SBF1: variants seen among roughly 807,000 people sequenced by gnomAD.
SBF1 encodes the protein SET binding factor 1, also known as myotubularin-related protein 5.
A neutral mutation model predicts 215.8 loss-of-function variants in SBF1; 65 were observed. That is an observed-to-expected ratio of 0.30 (90% CI 0.25 to 0.37). The LOEUF (loss-of-function observed/expected upper bound fraction) is 0.37. Ranked by LOEUF, SBF1 falls within the 10% of genes least tolerant of loss-of-function variation. The pLI is 1.00. For synonymous variants in SBF1, 1,410 were observed against 1,122.8 expected (o/e 1.26, Z -5.11); for missense variants, 2,634 against 2,667.8 (o/e 0.99, Z 0.28).
rs767703972 is a variant in SBF1 at position 50,466,405 on chromosome 22, G to A, written c.733C>T (p.Arg245Trp). Reference sequence around the variant, plus strand: ...AGGCCCCTACAGGCATCGGCGAGCCGCTGGTAGCTCCGGGACAGGAAGAGA... The same window carrying A: ...AGGCCCCTACAGGCATCGGCGAGCCACTGGTAGCTCCGGGACAGGAAGAGA... ...KVLFLSRSYQ[R>W]LADACRGLLA... Residue 245 changes from arginine to tryptophan, a missense_variant, in exon 7 of 41, where the codon CGG (arginine) becomes TGG (tryptophan). Transcript: ENST00000380817. 9.7e-6 allele frequency: 15 copies of A among 1,553,530 alleles called. No homozygotes were observed. Among genetic ancestry groups the A allele is most frequent in the East Asian group, 2.4e-5 (1 of 41,040 alleles).
chr22:50,466,219 C>G lies in SBF1; in HGVS notation c.828G>C (p.Glu276Asp), dbSNP rs568727727. The G allele has an allele frequency of 6.2e-7, 1 of 1,613,384 alleles. No individual in the cohort carries two copies. Among genetic ancestry groups the G allele is most frequent in the Non-Finnish European group, 8.5e-7 (1 of 1,180,050 alleles). Residue 276 changes from glutamate to aspartate, a missense_variant, in exon 8 of 41, where the codon GAG (glutamate) becomes GAC (aspartate). Transcript: ENST00000380817. The stretch of plus-strand genomic sequence containing the variant: ...TGAAGGGCGTGGGTGTGCTGAGGAC[C>G]TCCAGCAGCTGAGCCGGCAGGATGG... ...YVPILPAQLL[E>D]VLSTPTPFII...
chr22:50,447,545 C>T lies in SBF1; in HGVS notation c.5428G>A (p.Val1810Met). 2 of 1,613,396 alleles carry T rather than the reference C, an allele frequency of 1.2e-6. No homozygotes were observed. Among genetic ancestry groups the T allele is most frequent in the South Asian group, 1.1e-5 (1 of 91,044 alleles). Residue 1810 changes from valine (V) to methionine (M), a missense_variant, in exon 39 of 41, where the codon GTG (valine) becomes ATG (methionine). Physicochemically the swap from Val to Met is conservative, Grantham distance 21 (BLOSUM62 1). Transcript: ENST00000380817. Reference sequence around the variant, plus strand: ...ACCTGGTGCTTGGTCTTGTCCAGCACGAACCAGCGGGCCTTCCAAGGCTTC... The same window carrying T: ...ACCTGGTGCTTGGTCTTGTCCAGCATGAACCAGCGGGCCTTCCAAGGCTTC... The part of the protein sequence containing the change: ...FMKPWKARWF[V>M]LDKTKHQLRY...
At chr22:50,465,154 C>T in intron 11 of SBF1, 25 bp from the exon 12 acceptor site, 1 of 1,613,858 alleles carries the variant, frequency 6.2e-7, no homozygotes, top group Non-Finnish European at 8.5e-7. Flanking sequence ...GAGGTCGGTC[C>T]CTCAGGGGTC....
chr22:50,464,375 T>C lies in SBF1; in HGVS notation c.1703A>G (p.Asn568Ser), dbSNP rs749152774. 6.2e-7 allele frequency: 1 copy of C among 1,614,138 alleles called. No individual in the cohort carries two copies. The highest frequency in any genetic ancestry group is 1.7e-5 in the Admixed American group (1 of 60,030). The change falls in exon 15 of 41, where the codon AAC (asparagine) becomes AGC (serine). Residue 568 changes from asparagine (N) to serine (S), a missense_variant. Coordinates refer to ENST00000380817, the MANE Select transcript of SBF1 (RefSeq NM_002972.4). ...CCCCTCAAACACGTAGGAGATGCAG[T>C]TGCGCACAACCTCCAGCCGCCGGGC... Reference protein sequence around the residue: ...NSARRLEVVRNCISYVFEGKM... With the variant: ...NSARRLEVVRSCISYVFEGKM...
intron 36 of SBF1, among the ~76,000 whole-genome samples, chr22:50,450,360 A>C (rs1342274090): frequency 6.6e-6 from 1 of 152,094 alleles, no homozygotes; most frequent in Non-Finnish European, 1.5e-5. Context: ...GTCTCTACTA[A>C]AAATACAAAA....
rs764513321 is a variant in SBF1 at position 50,466,581 on chromosome 22, C to CG, written c.655+23dup. ...TACCAGTCCCCGAGGGGAAGCCATGCGGGGGTGGGACAGACAGGCTCACCT... is the reference window on the plus strand; with the variant it reads ...TACCAGTCCCCGAGGGGAAGCCATGCGGGGGGTGGGACAGACAGGCTCACCT... On this transcript the variant is annotated intron_variant, in intron 6 of 40. Coordinates refer to ENST00000380817, the MANE Select transcript of SBF1 (RefSeq NM_002972.4). The CG allele has an allele frequency of 6.5e-5, 100 of 1,537,880 alleles. 1 individual carries two copies. The South Asian group carries it at 1.0e-3, about 16-fold the overall frequency.
intron 1 of SBF1, among the ~76,000 whole-genome samples, chr22:50,471,517 C>G (rs1045908392): frequency 2.0e-5 from 3 of 152,232 alleles, no homozygotes; most frequent in African/African-American, 4.8e-5. Flanking sequence ...AAGACCAGCC[C>G]TGGCCGGCTC....
rs1254173099 is a variant in SBF1 at position 50,446,832 on chromosome 22, C to T, written c.*310G>A. ...GGCGTTAGTTCTCTCTTTATATAGA[C>T]TCTGGTTCTAGAAACTCGCCTGCAG... On this transcript the variant is annotated 3_prime_UTR_variant, in exon 41 of 41. Coordinates refer to ENST00000380817, the MANE Select transcript of SBF1 (RefSeq NM_002972.4). 1.4e-6 allele frequency: 1 copy of T among 708,692 alleles called. No homozygotes were observed. Among genetic ancestry groups the T allele is most frequent in the African/African-American group, 1.7e-5 (1 of 57,950 alleles). 43.9% of individuals were successfully genotyped at this position (708,692 alleles called of 1,614,324 possible). A position where few individuals can be genotyped will look rare whatever the true frequency, so the allele number is the denominator to read the frequency against.
chr22:50,469,950 T>A (rs1180478462), intron 1 of SBF1, among the ~76,000 whole-genome samples: 1 of 151,988 alleles, frequency 6.6e-6, no homozygotes, highest in African/African-American at 2.4e-5. Context: ...GGTGGGGCGG[T>A]GAGGGGCCGA....
In SBF1 at chr22:50,463,269, A is replaced by G. The variant is rs201780828; in HGVS notation, c.1899+14T>C. 4.1e-4 allele frequency: 658 copies of G among 1,613,104 alleles called. No individual in the cohort carries two copies. Among genetic ancestry groups the G allele is most frequent in the Non-Finnish European group, 5.2e-4 (616 of 1,179,730 alleles). ...CGCCATGAGCCATGTCACTAGCAGG[A>G]TAAGAGGCCTCACCTGCAGGCAGCA... On this transcript the variant is annotated intron_variant, in intron 16 of 40. Coordinates refer to ENST00000380817, the MANE Select transcript of SBF1 (RefSeq NM_002972.4).
At chr22:50,472,568 C>T (rs1211539705) in intron 1 of SBF1, among the ~76,000 whole-genome samples, 3 of 152,200 alleles carry the variant, frequency 2.0e-5, no homozygotes, top group Non-Finnish European at 2.9e-5. Context: ...CTGCTTCACA[C>T]CTGTGCATTC....
In SBF1 at chr22:50,474,843, C is replaced by CGAGGGACGCGG; in HGVS notation, c.-14_-4dup. On this transcript the variant is annotated 5_prime_UTR_variant, in exon 1 of 41. Coordinates refer to ENST00000380817, the MANE Select transcript of SBF1 (RefSeq NM_002972.4). ...AAGTAGTCCGCGAGCCGCGCCATGGCGAGGGACGCGGGGCGGCCCGAGGGG... is the reference window on the plus strand; with the variant it reads ...AAGTAGTCCGCGAGCCGCGCCATGGCGAGGGACGCGGGAGGGACGCGGGGCGGCCCGAGGGG... The CGAGGGACGCGG allele has an allele frequency of 7.0e-7, 1 of 1,425,654 alleles. No homozygotes were observed. The highest frequency in any genetic ancestry group is 9.2e-7 in the Non-Finnish European group (1 of 1,091,136). 88.3% of individuals were successfully genotyped at this position (1,425,654 alleles called of 1,614,324 possible).
rs372574711 is a variant in SBF1 at position 50,465,331 on chromosome 22, G to A, written c.1090-3C>T. ...AAGACCGCGCGCAGCTCCTTGTCCT[G>A]GGAGAAGAGCTGAGTGCAGGTGAGA... is the stretch of plus-strand genomic sequence containing the variant. On this transcript the variant is annotated splice_polypyrimidine_tract_variant and splice_region_variant and intron_variant, in intron 10 of 40. Transcript: ENST00000380817. 3 of 1,576,706 alleles carry A rather than the reference G, an allele frequency of 1.9e-6. No homozygotes were observed. Among genetic ancestry groups the A allele is most frequent in the African/African-American group, 2.7e-5 (2 of 74,516 alleles).
intron 40 of SBF1, 37 bp from the exon 41 acceptor site, chr22:50,447,277 C>T (rs752572695): frequency 1.9e-6 from 3 of 1,613,318 alleles, no homozygotes; most frequent in South Asian, 2.2e-5. Flanking sequence ...GCAGCCCCCA[C>T]ACCGCAGAGC....
chr22:50,453,654 G>A (rs568020875), intron 36 of SBF1, among the ~76,000 whole-genome samples: 233 of 152,306 alleles, frequency 1.5e-3, no homozygotes, highest in Middle Eastern at 6.8e-3. Context: ...GGGCGTGGTG[G>A]TGGGCACCTG....
chr22:50,466,516 G>A (rs371470780), intron 6 of SBF1, 34 bp from the exon 7 acceptor site: 158 of 1,533,026 alleles, frequency 1.0e-4, no homozygotes, highest in Non-Finnish European at 1.3e-4. Context: ...AGAGGACCCT[G>A]GGCCCCCACC....
At chr22:50,468,950 G>A (rs933971748) in intron 1 of SBF1, among the ~76,000 whole-genome samples, 7 of 152,206 alleles carry the variant, frequency 4.6e-5, no homozygotes, top group African/African-American at 1.4e-4. Flanking sequence ...AGCCCCACAA[G>A]GCTAGAGGAC....
chr22:50,458,456 C>T (rs2067351020), intron 28 of SBF1, among the ~76,000 whole-genome samples: 2 of 152,208 alleles, frequency 1.3e-5, no homozygotes, highest in South Asian at 4.1e-4. Flanking sequence ...GCAAAAGGGA[C>T]TCTGTGGGAA....
chr22:50,458,267 C>T (rs183762299), intron 28 of SBF1, among the ~76,000 whole-genome samples: 39 of 148,730 alleles, frequency 2.6e-4, no homozygotes, highest in Admixed American at 1.2e-3. Flanking sequence ...ATCGCACCAC[C>T]GCACTCCAGC....
Sources: gnomAD v4.1 joint callset for allele counts (sites outside exome capture counted in the v4.1 genomes callset) on GRCh38, gnomAD v4.1.1 for gene constraint, MANE v1.5 for transcripts, NCBI Gene and HGNC (gene_info 2026-07-23, HGNC 2026-07-21) for gene names.